Variants in TMCC1 observed in about 807,000 individuals in gnomAD.
TMCC1 encodes transmembrane and coiled-coil domain family 1, also known as transmembrane and coiled-coil domains protein 1.
In TMCC1, 15 loss-of-function variants were observed where a neutral mutation model predicts 52.4. The ratio of observed to expected loss-of-function variants is 0.29; its 90% CI spans 0.19 to 0.44. TMCC1 has a LOEUF of 0.44. Among genes scored for constraint, TMCC1 ranks in the 20% least tolerant of loss-of-function variants. The pLI, the probability that TMCC1 is intolerant of heterozygous loss-of-function variation, is 1.00. For missense variants in TMCC1, 503 were observed against 806.0 expected (o/e 0.62, Z 4.55); for synonymous variants, 279 against 301.9 (o/e 0.92, Z 0.79).
intron 4 of TMCC1, among the ~76,000 whole-genome samples, chr3:129,817,099 A>G (rs1229690354): frequency 1.3e-5 from 2 of 152,162 alleles, no homozygotes; most frequent in African/African-American, 4.8e-5. Context: ...TTTGATGTTT[A>G]TGAGTTATAT....
intron 4 of TMCC1, among the ~76,000 whole-genome samples, chr3:129,717,840 G>A (rs1357807705): frequency 2.6e-5 from 4 of 152,090 alleles, no homozygotes; most frequent in Non-Finnish European, 5.9e-5. Context: ...CCACATATCT[G>A]TTCTTAATAC....
chr3:129,857,638 T>C (rs1172828445), intron 2 of TMCC1, among the ~76,000 whole-genome samples: 1 of 152,064 alleles, frequency 6.6e-6, no homozygotes, highest in Non-Finnish European at 1.5e-5. Context: ...CTCAGCTCAC[T>C]GCAAGCTCCG....
At chr3:129,701,736 A>G (rs1479426987) in intron 4 of TMCC1, among the ~76,000 whole-genome samples, 4 of 152,190 alleles carry the variant, frequency 2.6e-5, no homozygotes. Flanking sequence ...AAGACTGCTT[A>G]TTTAGGTACT....
At chr3:129,691,164 T>C (rs1325519516) in intron 4 of TMCC1, among the ~76,000 whole-genome samples, 2 of 152,260 alleles carry the variant, frequency 1.3e-5, no homozygotes, top group African/African-American at 4.8e-5. Context: ...AGAAGAGTGA[T>C]AGATATCTAT....
chr3:129,653,605 G>C (rs1411074962), intron 6 of TMCC1, among the ~76,000 whole-genome samples: 2 of 152,014 alleles, frequency 1.3e-5, no homozygotes, highest in Admixed American at 6.6e-5. Context: ...CAACATGCCC[G>C]GCTAATTTTT....
At chr3:129,722,986 T>C (rs9968192) in intron 4 of TMCC1, among the ~76,000 whole-genome samples, 14,013 of 152,196 alleles carry the variant, frequency 0.092, 2,098 homozygotes, top group African/African-American at 0.32. Flanking sequence ...TAGCAAACAA[T>C]ATGAATGTAC....
At chr3:129,799,474 T>C (rs570488001) in intron 4 of TMCC1, among the ~76,000 whole-genome samples, 10 of 152,286 alleles carry the variant, frequency 6.6e-5, no homozygotes, top group Non-Finnish European at 1.0e-4. Context: ...TTAGCAAGGT[T>C]ATGATCGAGA....
At chr3:129,716,232 G>A (rs1399056422) in intron 4 of TMCC1, among the ~76,000 whole-genome samples, 2 of 144,308 alleles carry the variant, frequency 1.4e-5, no homozygotes, top group South Asian at 2.2e-4. Flanking sequence ...GCACAATCTC[G>A]GCTAACTGTA....
intron 4 of TMCC1, among the ~76,000 whole-genome samples, chr3:129,673,634 T>C (rs1413036252): frequency 6.6e-6 from 1 of 152,158 alleles, no homozygotes; most frequent in Non-Finnish European, 1.5e-5. Context: ...GAGGATCGCT[T>C]GAGCCCAGGA....
intron 2 of TMCC1, among the ~76,000 whole-genome samples, chr3:129,836,236 G>A (rs1166033320): frequency 6.6e-6 from 1 of 152,010 alleles, no homozygotes; most frequent in African/African-American, 2.4e-5. Flanking sequence ...AAAGAGAAGT[G>A]GGAGAAAAAA....
intron 4 of TMCC1, among the ~76,000 whole-genome samples, chr3:129,686,586 GAACA>G (rs1405142757): frequency 1.3e-5 from 2 of 152,178 alleles, no homozygotes; most frequent in Non-Finnish European, 2.9e-5. Flanking sequence ...ATGTAATGAT[GAACA>G]AACAGTGTCT....
rs149500630 is a variant in TMCC1, at chr3:129,764,950, C to T, written c.576+62853G>A. Among the ~76,000 whole-genome samples, 352 of 150,146 alleles carry T rather than the reference C, an allele frequency of 2.3e-3. 3 individuals are homozygous for T. The highest frequency in any genetic ancestry group is 9.1e-3 in the South Asian group (43 of 4,748). The stretch of plus-strand genomic sequence containing the variant: ...CCAAGTAGCTGGGACCACAGGCACA[C>T]GCCACCATACCCAGCTAATTTTTAA... On this transcript the variant is annotated intron_variant, in intron 4 of 6. Transcript: ENST00000393238.
intron 4 of TMCC1, among the ~76,000 whole-genome samples, chr3:129,813,053 T>C (rs2057909600): frequency 6.6e-6 from 1 of 152,184 alleles, no homozygotes; most frequent in Non-Finnish European, 1.5e-5. Context: ...AACAGGCTTA[T>C]GAAAAAATAC....
intron 4 of TMCC1, among the ~76,000 whole-genome samples, chr3:129,750,537 T>G (rs2052401713): frequency 6.6e-6 from 1 of 150,686 alleles, no homozygotes; most frequent in African/African-American, 2.4e-5. Context: ...CAGAGTCCAC[T>G]TTTCAGAGGC....
intron 4 of TMCC1, among the ~76,000 whole-genome samples, chr3:129,700,265 C>A (rs1000095699): frequency 6.6e-6 from 1 of 151,816 alleles, no homozygotes; most frequent in South Asian, 2.1e-4. Flanking sequence ...TTAAATAAAT[C>A]GGCATATTGC....
At chr3:129,874,343 ATGTCT>A (rs1226296699) in intron 2 of TMCC1, among the ~76,000 whole-genome samples, 1 of 152,196 alleles carries the variant, frequency 6.6e-6, no homozygotes, top group African/African-American at 2.4e-5. Flanking sequence ...AGATTCTCAA[ATGTCT>A]TCTGACTCAA....
chr3:129,783,822 G>A (rs905988980), intron 4 of TMCC1, among the ~76,000 whole-genome samples: 2 of 152,116 alleles, frequency 1.3e-5, no homozygotes, highest in Admixed American at 6.5e-5. Flanking sequence ...AAATCTTTTC[G>A]TCACACCAAA....
At chr3:129,687,793 T>C (rs186014701) in intron 4 of TMCC1, among the ~76,000 whole-genome samples, 1 of 152,358 alleles carries the variant, frequency 6.6e-6, no homozygotes, top group East Asian at 1.9e-4. Flanking sequence ...GTTCTCAGCC[T>C]ATTACTGTTC....
At chr3:129,680,825 G>T (rs956761712) in intron 4 of TMCC1, among the ~76,000 whole-genome samples, 24 of 151,874 alleles carry the variant, frequency 1.6e-4, no homozygotes, top group African/African-American at 5.6e-4. Context: ...TGCTTGAACC[G>T]GGGGGTGGAG....
Sources: gnomAD v4.1 joint callset for allele counts (sites outside exome capture counted in the v4.1 genomes callset) on GRCh38, gnomAD v4.1.1 for gene constraint, MANE v1.5 for transcripts, NCBI Gene and HGNC (gene_info 2026-07-23, HGNC 2026-07-21) for gene names.